The following CISD2 variants were observed in gnomAD, a reference collection of about 807,000 sequenced individuals.
The protein encoded by CISD2 is CDGSH iron-sulfur domain-containing protein 2.
A neutral mutation model predicts 12.9 loss-of-function variants in CISD2; 1 was observed. The observed-to-expected ratio is 0.08, with a 90% CI of 0.03 to 0.37. The LOEUF is 0.37. Among genes scored for constraint, CISD2 ranks in the 10% least tolerant of loss-of-function variants. CISD2 has a pLI of 0.99. For missense variants in CISD2, 97 were observed against 163.1 expected, an observed-to-expected ratio of 0.59 and a Z score of 2.21; for synonymous variants, 50 against 60.6, an observed-to-expected ratio of 0.83 and a Z score of 0.81.
chr4:102,883,965 G>GT (rs34409133), intron 1 of CISD2, among the ~76,000 whole-genome samples: 1 of 152,034 alleles, frequency 6.6e-6, no homozygotes, highest in African/African-American at 2.4e-5. Context: ...AGATAAATAG[G>GT]TTTTTTCATT....
In CISD2 at chr4:102,878,714, T is replaced by C. The variant is rs557453255; in HGVS notation, c.104-6502T>C. Among the ~76,000 whole-genome samples the C allele has an allele frequency of 1.5e-4, 23 of 152,320 alleles. 1 individual carries two copies. In the South Asian group the frequency reaches 4.8e-3, roughly 32 times the overall value. The stretch of plus-strand genomic sequence containing the variant: ...TGGTCAAAACCATTCAATAAGTCTC[T>C]AGGAAGTTCCAGACTTTCCCACATC... On this transcript the variant is annotated intron_variant, in intron 1 of 2. Transcript: ENST00000273986.
chr4:102,875,905 T>G (rs1733580824), intron 1 of CISD2, among the ~76,000 whole-genome samples: 1 of 152,216 alleles, frequency 6.6e-6, no homozygotes, highest in Admixed American at 6.5e-5. Context: ...GCTCAAGTGC[T>G]TGAGCTCCTG....
chr4:102,888,026 ATTTG>A lies in CISD2; in HGVS notation c.*600_*603del, dbSNP rs1428445310. On this transcript the variant is annotated 3_prime_UTR_variant, in exon 3 of 3. Coordinates refer to ENST00000273986, the MANE Select transcript of CISD2 (RefSeq NM_001008388.5). ...GGAACAGTTATTTACAGTATAAAAG[ATTTG>A]TTTACTTTACAAAAGGCTTGTGTCT... 6.6e-6 allele frequency: 1 copy of A among 152,054 alleles called. No homozygotes were observed. Among genetic ancestry groups the A allele is most frequent in the Non-Finnish European group, 1.5e-5 (1 of 68,416 alleles). The allele number at this position is 152,054 out of a possible 1,614,324, so 9.4% of individuals were successfully genotyped here.
At position 102,889,204 on chromosome 4, in the gene CISD2, CTCACATGTCAGTGGGGGATA is replaced by C. The variant is rs1734101817; in HGVS notation, c.*1775_*1794del. The C allele has an allele frequency of 6.6e-6, 1 of 152,230 alleles. No homozygotes were observed. Among genetic ancestry groups the C allele is most frequent in the Non-Finnish European group, 1.5e-5 (1 of 68,042 alleles). The allele number at this position is 152,230 out of a possible 1,614,324, so 9.4% of individuals were successfully genotyped here. On this transcript the variant is annotated 3_prime_UTR_variant, in exon 3 of 3. Transcript: ENST00000273986. ...GGTGTATGTCCAAAATTGTTCTTTC[CTCACATGTCAGTGGGGGATA>C]AATACAGCATTGCTCTCACTTCTTT...
At position 102,869,143 on chromosome 4, in the gene CISD2, G is replaced by A. The variant is rs779629996; in HGVS notation, c.59G>A (p.Arg20Gln). ...VKVQLPAYLK[R>Q]LPVPESITGF... ...GTGCAGCTCCCTGCATATCTGAAGC[G>A]GCTCCCAGTCCCTGAAAGCATTACC... is the stretch of plus-strand genomic sequence containing the variant. Residue 20 changes from arginine (R) to glutamine (Q), a missense_variant, in exon 1 of 3, where the codon CGG becomes CAG. Arg to Gln is a conservative substitution (Grantham distance 43). Coordinates refer to ENST00000273986, the MANE Select transcript of CISD2 (RefSeq NM_001008388.5). The A allele has an allele frequency of 6.2e-7, 1 of 1,612,816 alleles. No individual in the cohort carries two copies.
At chr4:102,884,411 A>G (rs1165115425) in intron 1 of CISD2, among the ~76,000 whole-genome samples, 1 of 152,228 alleles carries the variant, frequency 6.6e-6, no homozygotes, top group Non-Finnish European at 1.5e-5. Context: ...CAGATTCGGC[A>G]TTCAGTGAAG....
chr4:102,879,907 C>G (rs1018604294), intron 1 of CISD2, among the ~76,000 whole-genome samples: 13 of 152,010 alleles, frequency 8.6e-5, no homozygotes, highest in African/African-American at 3.1e-4. Context: ...CAAATAAGGT[C>G]CCTGCCCTTG....
intron 1 of CISD2, among the ~76,000 whole-genome samples, chr4:102,870,286 G>A (rs924381558): frequency 3.3e-5 from 5 of 152,096 alleles, no homozygotes; most frequent in African/African-American, 9.7e-5. Context: ...GTTATTGGGA[G>A]GTGAATTTCA....
chr4:102,874,497 A>C (rs1028323640), intron 1 of CISD2: 5 of 152,240 alleles, frequency 3.3e-5, no homozygotes, highest in African/African-American at 1.2e-4. Context: ...TTATATTAAA[A>C]TATTTTAAAA....
intron 2 of CISD2, 78 bp from the exon 3 acceptor site, chr4:102,887,263 C>G: frequency 1.1e-6 from 1 of 881,608 alleles, no homozygotes; most frequent in South Asian, 1.4e-5. Context: ...TGCTTTCTTT[C>G]TGAGAGCATT....
intron 1 of CISD2, among the ~76,000 whole-genome samples, chr4:102,873,914 T>A (rs1034965978): frequency 6.6e-6 from 1 of 151,776 alleles, no homozygotes; most frequent in Non-Finnish European, 1.5e-5. Flanking sequence ...TCACTTGAGG[T>A]TGGGAGTACG....
intron 1 of CISD2, among the ~76,000 whole-genome samples, chr4:102,873,875 C>T (rs1281258161): frequency 6.6e-6 from 1 of 151,796 alleles, no homozygotes; most frequent in Non-Finnish European, 1.5e-5. Flanking sequence ...CCTTTAATCC[C>T]ACCGCTTTGG....
chr4:102,869,662 A>G, intron 1 of CISD2: 1 of 610,964 alleles, frequency 1.6e-6, no homozygotes, highest in Non-Finnish European at 2.9e-6. Context: ...TAACACGTAT[A>G]TGACCGTTTT....
chr4:102,874,458 ACCT>A (rs1733544819), intron 1 of CISD2: 4 of 152,148 alleles, frequency 2.6e-5, no homozygotes, highest in African/African-American at 7.2e-5. Flanking sequence ...CTGCACATTT[ACCT>A]CCTCAACCTA....
chr4:102,887,442 A>C lies in CISD2; in HGVS notation c.*12A>C. 1 of 904,496 alleles carries C rather than the reference A, an allele frequency of 1.1e-6. No homozygotes were observed. The highest frequency in any genetic ancestry group is 1.8e-6 in the Non-Finnish European group (1 of 558,416). 56.0% of individuals were successfully genotyped at this position (904,496 alleles called of 1,614,324 possible). On this transcript the variant is annotated 3_prime_UTR_variant, in exon 3 of 3. Transcript: ENST00000273986. ...AGAAAGAAGTATAATAATAATAACA[A>C]TATTTTCTCATTCTTTGTGTATAGA... is the stretch of plus-strand genomic sequence containing the variant.
intron 1 of CISD2, 24 bp from the exon 2 acceptor site, chr4:102,885,192 A>G: frequency 1.3e-6 from 2 of 1,588,486 alleles, no homozygotes; most frequent in Non-Finnish European, 1.7e-6. Context: ...AGCACTGCAG[A>G]TTCTGACACA....
intron 1 of CISD2, among the ~76,000 whole-genome samples, chr4:102,881,844 T>C (rs889878930): frequency 2.0e-5 from 3 of 152,168 alleles, no homozygotes; most frequent in Non-Finnish European, 4.4e-5. Flanking sequence ...GTAATACCAT[T>C]TGTTCTTGAG....
chr4:102,880,578 G>A (rs745499238), intron 1 of CISD2, among the ~76,000 whole-genome samples: 7 of 151,752 alleles, frequency 4.6e-5, no homozygotes, highest in Admixed American at 2.6e-4. Flanking sequence ...TTTGGGTGGC[G>A]GAGGCACAAG....
At chr4:102,880,859 GC>G (rs1423097536) in intron 1 of CISD2, among the ~76,000 whole-genome samples, 1 of 151,942 alleles carries the variant, frequency 6.6e-6, no homozygotes, top group Non-Finnish European at 1.5e-5. Flanking sequence ...GGGTGTGGTG[GC>G]GTGCGCCTAT....
Sources: allele counts gnomAD v4.1 joint callset (sites outside exome capture counted in the v4.1 genomes callset), GRCh38; gene constraint gnomAD v4.1.1; transcripts MANE v1.5; gene names NCBI Gene and HGNC (gene_info 2026-07-23, HGNC 2026-07-21).